The following C1QTNF3 variants were observed in gnomAD, a reference collection of about 807,000 sequenced individuals.
C1QTNF3 encodes the protein complement C1q tumor necrosis factor-related protein 3.
In C1QTNF3, 26 loss-of-function variants were observed where a neutral mutation model predicts 32.6. The ratio of observed to expected loss-of-function variants is 0.80; its 90% CI spans 0.58 to 1.11. C1QTNF3 has a LOEUF of 1.11. Among genes scored for constraint, C1QTNF3 ranks in the 50% least tolerant of loss-of-function variants. The pLI is 0.00. For synonymous variants in C1QTNF3, 155 were observed against 146.0 expected (o/e 1.06, Z -0.44); for missense variants, 362 against 398.2 (o/e 0.91, Z 0.77).
At chr5:34,044,485 G>C (rs553543689), upstream of C1QTNF3, among the ~76,000 whole-genome samples, 103 of 152,166 alleles carry the variant, frequency 6.8e-4, no homozygotes, top group Non-Finnish European at 1.2e-3. Flanking sequence ...AGAGCAGCTG[G>C]GGAAAGGGGA....
the C1QTNF3 span, among the ~76,000 whole-genome samples, chr5:34,162,107 A>G: frequency 6.6e-6 from 1 of 152,110 alleles, no homozygotes; most frequent in Non-Finnish European, 1.5e-5. Context: ...CATATTGCAC[A>G]TTAGGGACTT....
the C1QTNF3 span, among the ~76,000 whole-genome samples, chr5:34,144,045 A>G: frequency 6.6e-6 from 1 of 152,142 alleles, no homozygotes; most frequent in African/African-American, 2.4e-5. Context: ...CTATAATAAA[A>G]TCCACAAGCT....
chr5:34,051,285 C>T, the C1QTNF3 span, among the ~76,000 whole-genome samples: 1 of 152,174 alleles, frequency 6.6e-6, no homozygotes, highest in Non-Finnish European at 1.5e-5. Context: ...CTGTTTTCTA[C>T]ATGAAATAAT....
rs568778000 is a variant in C1QTNF3, at chr5:34,027,878, G to GT, written c.700+875dup. ...AAAAGATTTCTAAAATATATTGTTAGTTTTTTTTTTTAAAGCAAGACACAA... is the reference window on the plus strand; with the variant it reads ...AAAAGATTTCTAAAATATATTGTTAGTTTTTTTTTTTTAAAGCAAGACACAA... On this transcript the variant is annotated intron_variant, in intron 4 of 5. Transcript: ENST00000382065. 8.2e-3 allele frequency among the ~76,000 whole-genome samples: 1,210 copies of GT among 147,590 alleles called. 9 individuals are homozygous for GT. Among genetic ancestry groups the GT allele is most frequent in the South Asian group, 0.02 (93 of 4,706 alleles).
At chr5:34,068,769 A>C in the C1QTNF3 span, among the ~76,000 whole-genome samples, 1 of 152,206 alleles carries the variant, frequency 6.6e-6, no homozygotes, top group Admixed American at 6.5e-5. Context: ...AAATACTGTT[A>C]TCAAACTTGT....
At chr5:34,101,744 G>T in the C1QTNF3 span, among the ~76,000 whole-genome samples, 2 of 151,992 alleles carry the variant, frequency 1.3e-5, no homozygotes, top group African/African-American at 4.8e-5. Flanking sequence ...TCCCACCTTT[G>T]GTCAGTTTTA....
the C1QTNF3 span, among the ~76,000 whole-genome samples, chr5:34,064,441 T>C: frequency 6.6e-6 from 1 of 152,140 alleles, no homozygotes; most frequent in Non-Finnish European, 1.5e-5. Context: ...CCTTGGGCCA[T>C]GCAGTGAGTG....
At chr5:34,025,799 C>T (rs748758565) in intron 4 of C1QTNF3, among the ~76,000 whole-genome samples, 1 of 152,134 alleles carries the variant, frequency 6.6e-6, no homozygotes, top group East Asian at 1.9e-4. Context: ...TATTTCTAGG[C>T]ATTAATGTAA....
At chr5:34,116,488 G>A in the C1QTNF3 span, among the ~76,000 whole-genome samples, 1 of 138,562 alleles carries the variant, frequency 7.2e-6, no homozygotes, top group African/African-American at 2.8e-5. Context: ...TTTATCTAAA[G>A]TATCTTTGGA....
chr5:34,079,776 G>A, the C1QTNF3 span, among the ~76,000 whole-genome samples: 2 of 151,658 alleles, frequency 1.3e-5, no homozygotes, highest in African/African-American at 4.9e-5. Flanking sequence ...GGGACTCAGG[G>A]AGAAGGAAAT....
chr5:34,178,862 T>C, the C1QTNF3 span, among the ~76,000 whole-genome samples: 761 of 149,938 alleles, frequency 5.1e-3, no homozygotes, highest in South Asian at 0.016. Flanking sequence ...CTGGGCAACA[T>C]GGCAAGACCC....
chr5:34,053,272 T>C, the C1QTNF3 span, among the ~76,000 whole-genome samples: 2 of 152,216 alleles, frequency 1.3e-5, no homozygotes, highest in Admixed American at 6.5e-5. Flanking sequence ...ACATGAGTAA[T>C]GCTGATTTCA....
chr5:34,057,586 A>C, the C1QTNF3 span, among the ~76,000 whole-genome samples: 3,266 of 152,286 alleles, frequency 0.021, 58 homozygotes, highest in South Asian at 0.055. Context: ...TTCCTATAAC[A>C]AGTTCTCAAA....
chr5:34,175,100 G>A, the C1QTNF3 span, among the ~76,000 whole-genome samples: 1 of 147,148 alleles, frequency 6.8e-6, no homozygotes, highest in Admixed American at 7.0e-5. Flanking sequence ...CTCAAGTGCA[G>A]TGGTGTAATC....
chr5:34,056,454 G>GTGTATATA, the C1QTNF3 span, among the ~76,000 whole-genome samples: 29 of 48,924 alleles, frequency 5.9e-4, 2 homozygotes, highest in South Asian at 5.4e-3. Context: ...GTGTGTGTGT[G>GTGTATATA]TATATATATA....
chr5:34,163,075 T>C, the C1QTNF3 span, among the ~76,000 whole-genome samples: 1 of 152,152 alleles, frequency 6.6e-6, no homozygotes, highest in Non-Finnish European at 1.5e-5. Context: ...GGATAAAAAA[T>C]ATAACTTCTG....
At position 34,019,841 on chromosome 5, in the gene C1QTNF3, A is replaced by T. The variant is rs1462886233; in HGVS notation, c.*742T>A. The T allele has an allele frequency of 6.6e-6, 1 of 152,230 alleles. No individual in the cohort carries two copies. The highest frequency in any genetic ancestry group is 2.4e-5 in the African/African-American group (1 of 41,454). 9.4% of individuals were successfully genotyped at this position (152,230 alleles called of 1,614,324 possible). On this transcript the variant is annotated 3_prime_UTR_variant, in exon 6 of 6. Coordinates refer to ENST00000382065, the MANE Select transcript of C1QTNF3 (RefSeq NM_181435.6). ...CAGATATAAAATCCCTCTGGTCAAC[A>T]TGCAACATTTGAATATCTATTGGCA...
At chr5:34,165,057 C>T in the C1QTNF3 span, 1 of 152,118 alleles carries the variant, frequency 6.6e-6, no homozygotes. Flanking sequence ...AACAAAAATG[C>T]ATAGGAAAGC....
chr5:34,169,805 T>G, the C1QTNF3 span, among the ~76,000 whole-genome samples: 395 of 152,276 alleles, frequency 2.6e-3, 2 homozygotes, highest in African/African-American at 9.1e-3. Flanking sequence ...TGTAGGGAAC[T>G]TGGAATCCCT....
Sources: gnomAD v4.1 joint callset for allele counts (sites outside exome capture counted in the v4.1 genomes callset) on GRCh38, gnomAD v4.1.1 for gene constraint, MANE v1.5 for transcripts, NCBI Gene and HGNC (gene_info 2026-07-23, HGNC 2026-07-21) for gene names.